GRIK2: variants seen among roughly 807,000 people sequenced by gnomAD.
The protein encoded by GRIK2 is glutamate ionotropic receptor kainate type subunit 2.
Under a neutral mutation model 100.3 loss-of-function variants are expected in GRIK2, and 32 were observed. The ratio of observed to expected loss-of-function variants is 0.32; its 90% CI spans 0.24 to 0.43. GRIK2 has a LOEUF of 0.43. GRIK2 is among the 20% of genes least tolerant of loss of function. GRIK2 has a pLI of 1.00. For missense variants in GRIK2, 843 were observed against 1,114.9 expected, an observed-to-expected ratio of 0.76 and a Z score of 3.47; for synonymous variants, 417 against 389.4, an observed-to-expected ratio of 1.07 and a Z score of -0.83.
At chr6:101,899,090 TTTG>T (rs1311950274) in intron 12 of GRIK2, among the ~76,000 whole-genome samples, 6 of 149,958 alleles carry the variant, frequency 4.0e-5, no homozygotes, top group Non-Finnish European at 8.9e-5. Flanking sequence ...GAGGTTTCTT[TTTG>T]TTGTTTTTGT....
intron 14 of GRIK2, among the ~76,000 whole-genome samples, chr6:101,976,824 G>A (rs1252727785): frequency 6.6e-6 from 1 of 151,608 alleles, no homozygotes; most frequent in Non-Finnish European, 1.5e-5. Flanking sequence ...AAAAACAACT[G>A]TAGTGGGATA....
chr6:101,433,666 G>A (rs983010325), intron 2 of GRIK2, among the ~76,000 whole-genome samples: 20 of 150,750 alleles, frequency 1.3e-4, no homozygotes, highest in African/African-American at 4.9e-4. Flanking sequence ...TGTTTTAACT[G>A]TATTTTCTTT....
intron 11 of GRIK2, 97 bp downstream of exon 11, chr6:101,859,590 T>C: frequency 1.4e-6 from 1 of 700,366 alleles, no homozygotes. Context: ...AGTAGTGATA[T>C]ATTTCAAGCA....
intron 2 of GRIK2, among the ~76,000 whole-genome samples, chr6:101,439,231 G>A (rs1487110575): frequency 6.6e-6 from 1 of 152,024 alleles, no homozygotes; most frequent in Admixed American, 6.6e-5. Context: ...TGTAGTTTGG[G>A]CACTAATCCC....
At chr6:101,965,427 A>T (rs1792599547) in intron 14 of GRIK2, among the ~76,000 whole-genome samples, 1 of 151,580 alleles carries the variant, frequency 6.6e-6, no homozygotes, top group Non-Finnish European at 1.5e-5. Context: ...CATTTCTATA[A>T]CAAGTCAGAG....
intron 2 of GRIK2, among the ~76,000 whole-genome samples, chr6:101,557,228 G>A (rs749932380): frequency 3.1e-4 from 47 of 152,028 alleles, no homozygotes; most frequent in Non-Finnish European, 4.7e-4. Flanking sequence ...AAATTTTTTG[G>A]CTTTTATTGT....
intron 14 of GRIK2, 24 bp downstream of exon 14, chr6:101,928,656 A>C: frequency 8.5e-7 from 1 of 1,170,408 alleles, no homozygotes; most frequent in Non-Finnish European, 1.3e-6. Context: ...GTTACCTAAA[A>C]TTTACAAATT....
chr6:101,992,272 T>C (rs1025679119), intron 14 of GRIK2, among the ~76,000 whole-genome samples: 6 of 151,586 alleles, frequency 4.0e-5, no homozygotes, highest in African/African-American at 1.4e-4. Flanking sequence ...CTCTTCCCTC[T>C]TATTTGATTT....
At chr6:101,977,383 G>A (rs1481746904) in intron 14 of GRIK2, among the ~76,000 whole-genome samples, 1 of 151,834 alleles carries the variant, frequency 6.6e-6, no homozygotes, top group Non-Finnish European at 1.5e-5. Context: ...GGAAGCAGAA[G>A]TAGGCAAAGA....
intron 2 of GRIK2, among the ~76,000 whole-genome samples, chr6:101,531,426 A>G (rs1164741374): frequency 5.9e-5 from 9 of 152,138 alleles, no homozygotes; most frequent in Non-Finnish European, 1.0e-4. Context: ...TAAATGAAAA[A>G]GAAAAGTGAC....
chr6:101,889,379 G>T (rs936709401), intron 11 of GRIK2, among the ~76,000 whole-genome samples: 1 of 150,722 alleles, frequency 6.6e-6, no homozygotes, highest in Non-Finnish European at 1.5e-5. Context: ...ATTCTATGAA[G>T]TTTTTTTTTC....
intron 2 of GRIK2, among the ~76,000 whole-genome samples, chr6:101,592,078 C>G (rs1468935907): frequency 6.6e-6 from 1 of 151,992 alleles, no homozygotes; most frequent in African/African-American, 2.4e-5. Flanking sequence ...CCTACTCCCT[C>G]TTTGCCTTCT....
chr6:101,579,197 G>C (rs1169563551), intron 2 of GRIK2, among the ~76,000 whole-genome samples: 1 of 152,064 alleles, frequency 6.6e-6, no homozygotes, highest in African/African-American at 2.4e-5. Context: ...TTGCTGATAA[G>C]AGAACTGAGA....
At chr6:101,908,196 T>G (rs894026004) in intron 12 of GRIK2, among the ~76,000 whole-genome samples, 3 of 151,538 alleles carry the variant, frequency 2.0e-5, no homozygotes, top group Non-Finnish European at 4.4e-5. Flanking sequence ...AAATAAAAAT[T>G]TGAAGCTGGA....
intron 2 of GRIK2, among the ~76,000 whole-genome samples, chr6:101,606,883 G>T (rs771458992): frequency 6.6e-6 from 1 of 151,810 alleles, no homozygotes; most frequent in Non-Finnish European, 1.5e-5. Flanking sequence ...CCATGAATTT[G>T]TCCATAAATA....
chr6:101,543,733 C>T (rs969621695), intron 2 of GRIK2, among the ~76,000 whole-genome samples: 8 of 152,106 alleles, frequency 5.3e-5, no homozygotes, highest in African/African-American at 1.7e-4. Context: ...TAGTTCTTAG[C>T]CCTTAGAGTT....
chr6:101,404,283 T>C (rs1775487098), intron 2 of GRIK2, among the ~76,000 whole-genome samples: 1 of 152,216 alleles, frequency 6.6e-6, no homozygotes, highest in African/African-American at 2.4e-5. Context: ...AGAAGGAAAA[T>C]ACCATAGATC....
At chr6:101,832,835 G>A (rs1366600442) in intron 10 of GRIK2, among the ~76,000 whole-genome samples, 1 of 152,102 alleles carries the variant, frequency 6.6e-6, no homozygotes, top group African/African-American at 2.4e-5. Flanking sequence ...TGTAATCAAA[G>A]AACTGTCTAG....
At chr6:102,020,255 T>A (rs1320366262) in intron 14 of GRIK2, among the ~76,000 whole-genome samples, 1 of 151,136 alleles carries the variant, frequency 6.6e-6, no homozygotes, top group Non-Finnish European at 1.5e-5. Context: ...GAAAAAAAAA[T>A]CAGTGATACA....
Sources: allele counts gnomAD v4.1 joint callset (sites outside exome capture counted in the v4.1 genomes callset), GRCh38; gene constraint gnomAD v4.1.1; transcripts MANE v1.5; gene names NCBI Gene and HGNC (gene_info 2026-07-23, HGNC 2026-07-21).